ZNF316: variants seen among roughly 807,000 people sequenced by gnomAD.
ZNF316 encodes zinc finger protein 316.
ZNF316 carries 23 observed loss-of-function variants against 75.6 expected under a neutral mutation model. The ratio of observed to expected loss-of-function variants is 0.30; its 90% confidence interval spans 0.22 to 0.43. The LOEUF (loss-of-function observed/expected upper bound fraction) is 0.43, where lower values mean the gene tolerates loss of function less well. Among genes scored for constraint, ZNF316 ranks in the 20% least tolerant of loss-of-function variants. The pLI is 1.00. For synonymous variants in ZNF316, 827 were observed against 666.2 expected (o/e 1.24, Z -3.72); for missense variants, 1,266 against 1,409.4 (o/e 0.90, Z 1.63).
chr7:6,641,813 C>T lies in ZNF316; in HGVS notation c.-166-12C>T, dbSNP rs948164130. ...TGCTGGCTCACAGCCCCCACTCTCC[C>T]ATGTCCTGCAGGAAGAAGCCTGACC... On this transcript the variant is annotated splice_polypyrimidine_tract_variant and intron_variant, in intron 3 of 8. Coordinates refer to ENST00000382252, the MANE Select transcript of ZNF316 (RefSeq NM_001278559.2). 6.6e-6 allele frequency: 1 copy of T among 152,388 alleles called. No individual in the cohort carries two copies. The highest frequency in any genetic ancestry group is 1.5e-5 in the Non-Finnish European group (1 of 68,154). 9.4% of individuals were successfully genotyped at this position (152,388 alleles called of 1,614,324 possible).
In ZNF316 at chr7:6,656,870, C is replaced by G. The variant is rs1257214512; in HGVS notation, c.*2259C>G. 6.6e-6 allele frequency among the ~76,000 whole-genome samples: 1 copy of G among 152,164 alleles called. No homozygotes were observed. The highest frequency in any genetic ancestry group is 2.4e-5 in the African/African-American group (1 of 41,420). On this transcript the variant is annotated 3_prime_UTR_variant, in exon 9 of 9. Coordinates refer to ENST00000382252, the MANE Select transcript of ZNF316 (RefSeq NM_001278559.2). ...TGTACAGCCCCAGGACCCAAAATGC[C>G]TCCCTTAAAGCTGATTGGTTGATTT... is the stretch of plus-strand genomic sequence containing the variant.
chr7:6,641,391 C>T (rs773041416), intron 3 of ZNF316, among the ~76,000 whole-genome samples: 2 of 152,208 alleles, frequency 1.3e-5, no homozygotes, highest in South Asian at 2.1e-4. Context: ...AGGTTTATAC[C>T]CAGAAAGGAG....
rs1199705985 is a variant in ZNF316, at chr7:6,655,449, G to C, written c.*838G>C. The C allele has an allele frequency of 6.6e-6, 1 of 152,082 alleles. No homozygotes were observed. The highest frequency in any genetic ancestry group is 2.4e-5 in the African/African-American group (1 of 41,376). The allele number at this position is 152,082 out of a possible 1,614,324, so 9.4% of individuals were successfully genotyped here. A position where few individuals can be genotyped will look rare whatever the true frequency, so the allele number is the denominator to read the frequency against. ...TGTCCTCTCAGTCCTTGGTACTTTC[G>C]TCTCCCTCAGCCGGAGGTGGCAAAC... On this transcript the variant is annotated 3_prime_UTR_variant, in exon 9 of 9. Transcript: ENST00000382252.
intron 8 of ZNF316, among the ~76,000 whole-genome samples, chr7:6,648,270 G>T (rs987121847): frequency 1.3e-5 from 2 of 152,174 alleles, no homozygotes; most frequent in African/African-American, 4.8e-5. Flanking sequence ...TGCCCCCGGG[G>T]CACAGGGCTG....
At chr7:6,646,165 A>C (rs549105202) in intron 8 of ZNF316, among the ~76,000 whole-genome samples, 78 of 152,188 alleles carry the variant, frequency 5.1e-4, no homozygotes, top group African/African-American at 1.8e-3. Flanking sequence ...CACAGAGCTG[A>C]ACTATCATTG....
In ZNF316 at chr7:6,643,907, A is replaced by T; in HGVS notation, c.551A>T (p.Gln184Leu). ...GAAGCAGACCAGCGGGGCCTCTACC[A>T]GGAAGTCATGCAGGAGAACTATGGG... is the stretch of plus-strand genomic sequence containing the variant. ...RLEADQRGLYQEVMQENYGIL... is the reference protein window; with the variant it reads ...RLEADQRGLYLEVMQENYGIL... The change falls in exon 7 of 9, where the codon CAG (glutamine) becomes CTG (leucine). Residue 184 changes from glutamine (Q) to leucine (L), a missense_variant. Around this residue, in one of 3 missense-constraint regions of ZNF316, gnomAD observed 961 missense variants for 990.9 expected, o/e 0.97. Coordinates refer to ENST00000382252, the MANE Select transcript of ZNF316 (RefSeq NM_001278559.2). 1 of 1,234,190 alleles carries T rather than the reference A, an allele frequency of 8.1e-7. No individual in the cohort carries two copies. Among genetic ancestry groups the T allele is most frequent in the Non-Finnish European group, 1.0e-6 (1 of 989,264 alleles). 76.5% of individuals were successfully genotyped at this position (1,234,190 alleles called of 1,614,324 possible).
intron 8 of ZNF316, among the ~76,000 whole-genome samples, chr7:6,646,963 C>T (rs1023029487): frequency 9.2e-5 from 14 of 152,146 alleles, no homozygotes; most frequent in Non-Finnish European, 1.9e-4. Context: ...TGCCCTTCAG[C>T]CATGCTTCAG....
Position 6,656,704 on chromosome 7 carries a change from A to G in ZNF316, c.*2093A>G, listed in dbSNP as rs1237307623. On this transcript the variant is annotated 3_prime_UTR_variant, in exon 9 of 9. Coordinates refer to ENST00000382252, the MANE Select transcript of ZNF316 (RefSeq NM_001278559.2). ...ACTTGGGGCATTACTTTTTGTGAATATGTTGGCCAGGCTTCCAGAGGCCAG... is the reference window on the plus strand; with the variant it reads ...ACTTGGGGCATTACTTTTTGTGAATGTGTTGGCCAGGCTTCCAGAGGCCAG... 2.6e-5 allele frequency among the ~76,000 whole-genome samples: 4 copies of G among 151,936 alleles called. No homozygotes were observed. Among genetic ancestry groups the G allele is most frequent in the Non-Finnish European group, 5.9e-5 (4 of 68,000 alleles).
At position 6,642,356 on chromosome 7, in the gene ZNF316, G is replaced by C. The variant is rs528297003; in HGVS notation, c.-28-26G>C. Reference sequence around the variant, plus strand: ...CCGTGTGGTGTGCTGAGAGCAGCCCGTCACTGGCGTCCATCTGCATTTCAG... The same window carrying C: ...CCGTGTGGTGTGCTGAGAGCAGCCCCTCACTGGCGTCCATCTGCATTTCAG... On this transcript the variant is annotated intron_variant, in intron 4 of 8. Coordinates refer to ENST00000382252, the MANE Select transcript of ZNF316 (RefSeq NM_001278559.2). This position sits in a 1 kb window ranked among gnomAD's most constrained non-coding sequence, Gnocchi z 8.1. 4.3e-6 allele frequency: 5 copies of C among 1,156,752 alleles called. No homozygotes were observed. In the Admixed American group the frequency reaches 1.7e-4, roughly 39 times the overall value. 71.7% of individuals were successfully genotyped at this position (1,156,752 alleles called of 1,614,324 possible).
In ZNF316 at chr7:6,644,003, G is replaced by A. The variant is rs530071063; in HGVS notation, c.592+55G>A. 4 of 1,230,388 alleles carry A rather than the reference G, an allele frequency of 3.3e-6. No homozygotes were observed. In the South Asian group the frequency reaches 1.7e-4, roughly 51 times the overall value. The allele number at this position is 1,230,388 out of a possible 1,614,324, so 76.2% of individuals were successfully genotyped here. A position where few individuals can be genotyped will look rare whatever the true frequency, so the allele number is the denominator to read the frequency against. On this transcript the variant is annotated intron_variant, in intron 7 of 8. Transcript: ENST00000382252. ...GCAGCCTGGTGTGATGGCTGCCAGGGTCTTAGCTGTCTGACGGGGCGCTTT... is the reference window on the plus strand; with the variant it reads ...GCAGCCTGGTGTGATGGCTGCCAGGATCTTAGCTGTCTGACGGGGCGCTTT...
At position 6,655,343 on chromosome 7, in the gene ZNF316, G is replaced by C. The variant is rs140647386; in HGVS notation, c.*732G>C. The C allele has an allele frequency of 2.0e-5, 3 of 152,266 alleles. No homozygotes were observed. The highest frequency in any genetic ancestry group is 4.4e-5 in the Non-Finnish European group (3 of 68,084). 9.4% of individuals were successfully genotyped at this position (152,266 alleles called of 1,614,324 possible). ...TGAGGGAGTTTGAAGCCTTATTCTC[G>C]AGCCGCCTCCTCTTCTCTACCCACA... On this transcript the variant is annotated 3_prime_UTR_variant, in exon 9 of 9. Transcript: ENST00000382252.
Position 6,653,498 on chromosome 7 carries a change from G to A in ZNF316, c.1902G>A (p.Ala634=), listed in dbSNP as rs1021344770. 9.8e-6 allele frequency: 12 copies of A among 1,221,490 alleles called. No individual in the cohort carries two copies. Among genetic ancestry groups the A allele is most frequent in the Non-Finnish European group, 1.0e-5 (10 of 981,218 alleles). 75.7% of individuals were successfully genotyped at this position (1,221,490 alleles called of 1,614,324 possible). A position where few individuals can be genotyped will look rare whatever the true frequency, so the allele number is the denominator to read the frequency against. ...CGGTCGACGGGCGCCCGCTCCCGGC[G>A]CCCCTGGGGGGCCCGCTCTCCCTGG... ...RLPVDGRPLP[A]PLGGPLSLVE... is the part of the protein sequence containing the mutation. Residue 634 remains alanine, a synonymous_variant, in exon 9 of 9, where the codon GCG becomes GCA. Coordinates refer to ENST00000382252, the MANE Select transcript of ZNF316 (RefSeq NM_001278559.2).
chr7:6,651,400 A>G (rs1779504855), intron 8 of ZNF316, among the ~76,000 whole-genome samples: 1 of 151,872 alleles, frequency 6.6e-6, no homozygotes, highest in African/African-American at 2.4e-5. Flanking sequence ...CACGCCTGTA[A>G]TCCCAGCACT....
chr7:6,654,250 G>C lies in ZNF316; in HGVS notation c.2654G>C (p.Arg885Pro). 8.2e-7 allele frequency: 1 copy of C among 1,222,600 alleles called. No individual in the cohort carries two copies. The highest frequency in any genetic ancestry group is 3.9e-5 in the South Asian group (1 of 25,398). The allele number at this position is 1,222,600 out of a possible 1,614,324, so 75.7% of individuals were successfully genotyped here. ...CACCGGCGCGGCCACACGGGCGAAC[G>C]CCCCTTCCCGTGCCCTGAGTGCGGC... is the stretch of plus-strand genomic sequence containing the variant. ...AKHRRGHTGE[R>P]PFPCPECGKR... The change falls in exon 9 of 9, where the codon CGC becomes CCC. Residue 885 changes from arginine to proline, a missense_variant. Around this residue, in one of 3 missense-constraint regions of ZNF316, gnomAD observed 194 missense variants for 319.2 expected, o/e 0.61. Coordinates refer to ENST00000382252, the MANE Select transcript of ZNF316 (RefSeq NM_001278559.2).
At position 6,655,616 on chromosome 7, in the gene ZNF316, A is replaced by G. The variant is rs549595611; in HGVS notation, c.*1005A>G. The G allele has an allele frequency of 6.6e-6, 1 of 152,310 alleles. No individual in the cohort carries two copies. Among genetic ancestry groups the G allele is most frequent in the East Asian group, 1.9e-4 (1 of 5,176 alleles). 9.4% of individuals were successfully genotyped at this position (152,310 alleles called of 1,614,324 possible). A position where few individuals can be genotyped will look rare whatever the true frequency, so the allele number is the denominator to read the frequency against. ...TAGAGCGACTGAGGTTGGTCGAAGG[A>G]TCTTTCCCCACATCCCATAATCAGG... On this transcript the variant is annotated 3_prime_UTR_variant, in exon 9 of 9. Coordinates refer to ENST00000382252, the MANE Select transcript of ZNF316 (RefSeq NM_001278559.2).
chr7:6,643,509 C>A (rs371433500), intron 6 of ZNF316, among the ~76,000 whole-genome samples: 186 of 152,324 alleles, frequency 1.2e-3, no homozygotes, highest in South Asian at 7.0e-3. Flanking sequence ...CTGACATGGC[C>A]ATTGCACTGG....
In ZNF316 at chr7:6,653,621, G is replaced by C; in HGVS notation, c.2025G>C (p.Leu675=). The stretch of plus-strand genomic sequence containing the variant: ...CGTTCGGGCCCGCCATCGGGGGTCT[G>C]CTGGCGGAGCCCGCGCCGGCCGCGC... ...LRAFGPAIGG[L]LAEPAPAALA... is the part of the protein sequence containing the mutation. Residue 675 remains leucine (L), a synonymous_variant, in exon 9 of 9, where the codon CTG becomes CTC. Transcript: ENST00000382252. 2 of 1,061,866 alleles carry C rather than the reference G, an allele frequency of 1.9e-6. No homozygotes were observed. The highest frequency in any genetic ancestry group is 2.3e-6 in the Non-Finnish European group (2 of 877,992). The allele number at this position is 1,061,866 out of a possible 1,614,324, so 65.8% of individuals were successfully genotyped here.
At position 6,658,264 on chromosome 7, in the gene ZNF316, A is replaced by G. The variant is rs1350161016; in HGVS notation, c.*3653A>G. 6.6e-6 allele frequency among the ~76,000 whole-genome samples: 1 copy of G among 152,090 alleles called. No individual in the cohort carries two copies. Among genetic ancestry groups the G allele is most frequent in the African/African-American group, 2.4e-5 (1 of 41,416 alleles). On this transcript the variant is annotated 3_prime_UTR_variant, in exon 9 of 9. Transcript: ENST00000382252. ...ATTACTGGGTTATATCTATTAAATA[A>G]AGCTTTATGATCTTTGCTCTTTTTT...
rs747347808 is a variant in ZNF316 at position 6,657,831 on chromosome 7, C to CAAA, written c.*3244_*3246dup. ...GTGACAGAACAAGACCCTATCTCAC[C>CAAA]AAAAAAAAAAAAAAAAAAAAAAAAA... is the stretch of plus-strand genomic sequence containing the variant. On this transcript the variant is annotated 3_prime_UTR_variant, in exon 9 of 9. Coordinates refer to ENST00000382252, the MANE Select transcript of ZNF316 (RefSeq NM_001278559.2). Among the ~76,000 whole-genome samples the CAAA allele has an allele frequency of 2.2e-3, 61 of 27,700 alleles. 2 individuals are homozygous for CAAA. The highest frequency in any genetic ancestry group is 0.023 in the Middle Eastern group (1 of 44). 18.2% of individuals were successfully genotyped at this position (27,700 alleles called of 152,430 possible).
Sources: gnomAD v4.1 joint callset for allele counts (sites outside exome capture counted in the v4.1 genomes callset) on GRCh38, gnomAD v4.1.1 for gene constraint, gnomAD v4.1.1 regional missense constraint, Gnocchi (gnomAD v3.1) non-coding constraint, MANE v1.5 for transcripts, NCBI Gene and HGNC (gene_info 2026-07-23, HGNC 2026-07-21) for gene names.